The following PPM1E variants were observed in gnomAD, a reference collection of about 807,000 sequenced individuals.
PPM1E encodes protein phosphatase 1E.
Under a neutral mutation model 65.9 loss-of-function variants are expected in PPM1E, and 20 were observed. That is an observed-to-expected ratio of 0.30 (90% CI 0.21 to 0.44). PPM1E has a LOEUF of 0.44. PPM1E is among the 20% of genes least tolerant of loss of function. PPM1E has a pLI of 1.00. For synonymous variants in PPM1E, 352 were observed against 374.9 expected (o/e 0.94, Z 0.70); for missense variants, 713 against 953.1 (o/e 0.75, Z 3.32).
intron 1 of PPM1E, among the ~76,000 whole-genome samples, chr17:58,779,716 A>C (rs1247932817): frequency 6.6e-6 from 1 of 152,186 alleles, no homozygotes; most frequent in African/African-American, 2.4e-5. Context: ...GACTGTAATA[A>C]ATTATTCCCA....
intron 1 of PPM1E, among the ~76,000 whole-genome samples, chr17:58,871,728 ATCATTT>A (rs1232969793): frequency 1.3e-5 from 2 of 151,808 alleles, no homozygotes; most frequent in Admixed American, 6.6e-5. Flanking sequence ...AGGTGAGTGA[ATCATTT>A]GGACCTCGGA....
intron 1 of PPM1E, among the ~76,000 whole-genome samples, chr17:58,881,968 T>C (rs2051199871): frequency 8.2e-6 from 1 of 122,510 alleles, no homozygotes; most frequent in South Asian, 2.6e-4. Context: ...GAGACCAGCC[T>C]GGGCAACATG....
In PPM1E at chr17:58,830,697, A is replaced by AT. The variant is rs559228640; in HGVS notation, c.464+74242dup. On this transcript the variant is annotated intron_variant, in intron 1 of 6. Coordinates refer to ENST00000308249, the MANE Select transcript of PPM1E (RefSeq NM_014906.5). ...TTATTTTTTTTTATTTTTTATTATT[A>AT]TTTTTTGAGACGGAGTCTCACTCTG... Among the ~76,000 whole-genome samples, 368 of 151,258 alleles carry AT rather than the reference A, an allele frequency of 2.4e-3. 4 individuals carry two copies. The highest frequency in any genetic ancestry group is 6.4e-3 in the East Asian group (33 of 5,130).
chr17:58,963,387 CA>C (rs748542659), intron 2 of PPM1E, among the ~76,000 whole-genome samples: 44 of 78,634 alleles, frequency 5.6e-4, no homozygotes, highest in Admixed American at 1.2e-3. Flanking sequence ...AACTCTGTCT[CA>C]AAAAAAAAAA....
intron 1 of PPM1E, among the ~76,000 whole-genome samples, chr17:58,786,967 C>T (rs1268144941): frequency 6.6e-6 from 1 of 152,060 alleles, no homozygotes; most frequent in African/African-American, 2.4e-5. Context: ...TATTGAAAAC[C>T]ACTAGGGGTT....
intron 6 of PPM1E, among the ~76,000 whole-genome samples, chr17:58,979,424 A>AT (rs1436718003): frequency 6.6e-6 from 1 of 152,212 alleles, no homozygotes; most frequent in East Asian, 1.9e-4. Context: ...GATTTATAAA[A>AT]TCTCGTGTAA....
chr17:58,955,740 G>A lies in PPM1E; in HGVS notation c.556G>A (p.Glu186Lys), dbSNP rs773339394. Residue 186 changes from glutamate to lysine, a missense_variant, in exon 2 of 7, where the codon GAA becomes AAA. This residue lies in a region of PPM1E where 84 missense variants were observed against 113.9 expected (regional missense o/e 0.74). Coordinates refer to ENST00000308249, the MANE Select transcript of PPM1E (RefSeq NM_014906.5). ...TCTTTCTGCACATTATATCCCAAAGGAAACGGATGGCACAGAAGGGACTGT... is the reference window on the plus strand; with the variant it reads ...TCTTTCTGCACATTATATCCCAAAGAAAACGGATGGCACAGAAGGGACTGT... ...SDLSAHYIPK[E>K]TDGTEGTVEI... is the part of the protein sequence containing the mutation. 2.5e-6 allele frequency: 4 copies of A among 1,611,040 alleles called. No individual in the cohort carries two copies. The highest frequency in any genetic ancestry group is 3.4e-6 in the Non-Finnish European group (4 of 1,179,282).
intron 1 of PPM1E, among the ~76,000 whole-genome samples, chr17:58,904,549 G>A (rs2051533761): frequency 6.6e-6 from 1 of 152,094 alleles, no homozygotes; most frequent in Admixed American, 6.5e-5. Context: ...AAAATAACTT[G>A]CTGGGATTTT....
intron 1 of PPM1E, among the ~76,000 whole-genome samples, chr17:58,858,708 TATC>T (rs1567855496): frequency 6.6e-6 from 1 of 152,226 alleles, no homozygotes; most frequent in African/African-American, 2.4e-5. Context: ...CTTTATCTAT[TATC>T]TATTGTTGGA....
intron 1 of PPM1E, among the ~76,000 whole-genome samples, chr17:58,774,169 C>A (rs796802426): frequency 6.6e-6 from 1 of 151,036 alleles, no homozygotes; most frequent in East Asian, 1.9e-4. Flanking sequence ...TCCCCCCCCC[C>A]CAAAAAAAAC....
intron 1 of PPM1E, among the ~76,000 whole-genome samples, chr17:58,908,040 GTTC>G (rs2051579948): frequency 6.7e-6 from 1 of 149,014 alleles, no homozygotes; most frequent in African/African-American, 2.5e-5. Context: ...TTGCTGCCTT[GTTC>G]TTTGTTTCTA....
chr17:58,899,725 A>G (rs1007074758), intron 1 of PPM1E: 4 of 166,190 alleles, frequency 2.4e-5, no homozygotes, highest in African/African-American at 9.6e-5. Flanking sequence ...CTCCTCGAGG[A>G]AAAAAAAGAA....
chr17:58,868,339 A>C (rs919504866), intron 1 of PPM1E, among the ~76,000 whole-genome samples: 2 of 151,962 alleles, frequency 1.3e-5, no homozygotes, highest in African/African-American at 4.8e-5. Flanking sequence ...AAAAACAAAA[A>C]CAACGTAGGC....
intron 1 of PPM1E, among the ~76,000 whole-genome samples, chr17:58,827,142 T>TA (rs1181624243): frequency 6.7e-5 from 10 of 148,404 alleles, no homozygotes; most frequent in Non-Finnish European, 1.0e-4. Flanking sequence ...GATCTTTTTT[T>TA]TTTTTTTTTT....
Position 58,980,206 on chromosome 17 carries a change from C to T in PPM1E, c.1443C>T (p.Ile481=). ...SARDAGSSDN[I]TVIVVFLRDM... Reference sequence around the variant, plus strand: ...GTGATGCTGGGTCAAGTGATAACATCACGGTTATTGTGGTATTCCTGAGGG... The same window carrying T: ...GTGATGCTGGGTCAAGTGATAACATTACGGTTATTGTGGTATTCCTGAGGG... The change falls in exon 7 of 7, where the codon ATC becomes ATT. Residue 481 remains isoleucine, a synonymous_variant. Coordinates refer to ENST00000308249, the MANE Select transcript of PPM1E (RefSeq NM_014906.5). This position sits in a 1 kb window ranked among gnomAD's most constrained non-coding sequence, Gnocchi z 4.7. The T allele has an allele frequency of 6.2e-7, 1 of 1,614,160 alleles. No individual in the cohort carries two copies. The highest frequency in any genetic ancestry group is 1.1e-5 in the South Asian group (1 of 91,078).
rs59217561 is a variant in PPM1E at position 58,827,901 on chromosome 17, C to CAA, written c.464+71451_464+71452dup. On this transcript the variant is annotated intron_variant, in intron 1 of 6. Coordinates refer to ENST00000308249, the MANE Select transcript of PPM1E (RefSeq NM_014906.5). Reference sequence around the variant, plus strand: ...TGGGCGACAGAGCGAGACTCCATCTCAAAAAAAAAAAATAATAATAATAAT... The same window carrying CAA: ...TGGGCGACAGAGCGAGACTCCATCTCAAAAAAAAAAAAAATAATAATAATAAT... Among the ~76,000 whole-genome samples, 20 of 113,246 alleles carry CAA rather than the reference C, an allele frequency of 1.8e-4. No homozygotes were observed. In the South Asian group the frequency reaches 3.6e-3, roughly 21 times the overall value. The allele number at this position is 113,246 out of a possible 152,430, so 74.3% of individuals were successfully genotyped here.
At chr17:58,928,807 A>G (rs948047212) in intron 1 of PPM1E, among the ~76,000 whole-genome samples, 26 of 150,520 alleles carry the variant, frequency 1.7e-4, no homozygotes, top group African/African-American at 6.1e-4. Flanking sequence ...GGTTCAAGTG[A>G]TTCTCCTGCC....
At chr17:58,834,216 G>T (rs2050632339) in intron 1 of PPM1E, among the ~76,000 whole-genome samples, 1 of 151,954 alleles carries the variant, frequency 6.6e-6, no homozygotes, top group Non-Finnish European at 1.5e-5. Context: ...TTGCATTGTT[G>T]ACTTGTTTGC....
At chr17:58,976,200 C>T (rs1234740560) in intron 6 of PPM1E, among the ~76,000 whole-genome samples, 2 of 152,116 alleles carry the variant, frequency 1.3e-5, no homozygotes, top group Non-Finnish European at 2.9e-5. Flanking sequence ...GAAGCCAGAG[C>T]AGCACAGGCT....
Sources: gnomAD v4.1 joint callset for allele counts (sites outside exome capture counted in the v4.1 genomes callset) on GRCh38, gnomAD v4.1.1 for gene constraint, gnomAD v4.1.1 regional missense constraint, Gnocchi (gnomAD v3.1) non-coding constraint, MANE v1.5 for transcripts, NCBI Gene and HGNC (gene_info 2026-07-23, HGNC 2026-07-21) for gene names.